The following DPF3 variants were observed in gnomAD, a reference collection of about 807,000 sequenced individuals.
DPF3 encodes the protein zinc finger protein DPF3.
Under a neutral mutation model 56.8 loss-of-function variants are expected in DPF3, and 18 were observed. The ratio of observed to expected loss-of-function variants is 0.32; its 90% CI spans 0.22 to 0.47. DPF3 has a LOEUF of 0.47. Ranked by LOEUF, DPF3 falls within the 20% of genes least tolerant of loss-of-function variation. DPF3 has a pLI of 1.00. For missense variants in DPF3, 403 were observed against 488.8 expected, an observed-to-expected ratio of 0.82 and a Z score of 1.65; for synonymous variants, 188 against 180.2, an observed-to-expected ratio of 1.04 and a Z score of -0.35.
chr14:72,840,235 C>T (rs1213136542), intron 1 of DPF3, among the ~76,000 whole-genome samples: 1 of 152,178 alleles, frequency 6.6e-6, no homozygotes, highest in African/African-American at 2.4e-5. Flanking sequence ...TGGAACCAAG[C>T]TCTCGCCAAG....
At chr14:72,770,544 G>A (rs552621227) in intron 2 of DPF3, among the ~76,000 whole-genome samples, 13 of 152,294 alleles carry the variant, frequency 8.5e-5, no homozygotes, top group African/African-American at 3.1e-4. Context: ...ACCATTTAGA[G>A]ATACATAACA....
intron 5 of DPF3, among the ~76,000 whole-genome samples, chr14:72,720,876 ACATT>A (rs1483891620): frequency 1.3e-5 from 2 of 152,224 alleles, no homozygotes; most frequent in African/African-American, 4.8e-5. Flanking sequence ...TTCCAGCAGC[ACATT>A]TTTTTTAAAA....
Position 72,610,189 on chromosome 14 carries a change from C to T in DPF3, c.*9108G>A, listed in dbSNP as rs1333767269. ...CCAGGTTTGCTTCGTATCTGCAGGT[C>T]TAGAGACATCAATGGAGGCAGCAAT... On this transcript the variant is annotated 3_prime_UTR_variant, in exon 11 of 11. Transcript: ENST00000556509. Among the ~76,000 whole-genome samples, 1 of 152,236 alleles carries T rather than the reference C, an allele frequency of 6.6e-6. No individual in the cohort carries two copies. Among genetic ancestry groups the T allele is most frequent in the African/African-American group, 2.4e-5 (1 of 41,464 alleles).
At chr14:72,824,329 C>G (rs2140039575) in intron 1 of DPF3, among the ~76,000 whole-genome samples, 1 of 152,222 alleles carries the variant, frequency 6.6e-6, no homozygotes, top group Non-Finnish European at 1.5e-5. Flanking sequence ...GCTTCCAGGA[C>G]TGGTCTGGGG....
intron 1 of DPF3, among the ~76,000 whole-genome samples, chr14:72,889,525 G>A (rs1187764712): frequency 2.0e-5 from 3 of 152,140 alleles, no homozygotes; most frequent in Non-Finnish European, 2.9e-5. Context: ...TGTCTACTTA[G>A]TACCTACCCA....
At chr14:72,834,494 C>CAAAAAAAA (rs375709642) in intron 1 of DPF3, among the ~76,000 whole-genome samples, 1 of 91,432 alleles carries the variant, frequency 1.1e-5, no homozygotes, top group African/African-American at 4.6e-5. Flanking sequence ...GAGACTGTCT[C>CAAAAAAAA]AAAAAAAAAA....
At chr14:72,879,815 T>A (rs994026934) in intron 1 of DPF3, 1 of 1,535,512 alleles carries the variant, frequency 6.5e-7, no homozygotes, top group Admixed American at 2.0e-5. Context: ...CTAGAGCCCA[T>A]GGGCCTCCAG....
intron 1 of DPF3, among the ~76,000 whole-genome samples, chr14:72,797,579 T>C (rs1892694213): frequency 6.6e-6 from 1 of 152,230 alleles, no homozygotes. Context: ...ACTGAAATCA[T>C]GTAAGATCGC....
intron 3 of DPF3, among the ~76,000 whole-genome samples, chr14:72,740,102 G>A (rs543864247): frequency 3.3e-5 from 5 of 152,222 alleles, no homozygotes; most frequent in Non-Finnish European, 5.9e-5. Flanking sequence ...AGGCAAAGAC[G>A]TTCCAGGCAA....
At chr14:72,727,743 T>C (rs778666483) in intron 4 of DPF3, among the ~76,000 whole-genome samples, 11 of 152,192 alleles carry the variant, frequency 7.2e-5, no homozygotes, top group Non-Finnish European at 1.2e-4. Flanking sequence ...GATAGGTATC[T>C]CTTGGTCTCT....
At chr14:72,879,036 C>T (rs2140121508) in intron 1 of DPF3, among the ~76,000 whole-genome samples, 1 of 152,356 alleles carries the variant, frequency 6.6e-6, no homozygotes. Flanking sequence ...TTCGCTCACT[C>T]AACTATTCCC....
In DPF3 at chr14:72,756,928, A is replaced by AAGAAG. The variant is rs1555504030; in HGVS notation, c.194-3562_194-3558dup. 5.5e-4 allele frequency among the ~76,000 whole-genome samples: 76 copies of AAGAAG among 139,156 alleles called. 1 individual carries two copies. The highest frequency in any genetic ancestry group is 9.3e-4 in the African/African-American group (30 of 32,332). The allele number at this position is 139,156 out of a possible 152,430, so 91.3% of individuals were successfully genotyped here. On this transcript the variant is annotated intron_variant, in intron 2 of 10. Coordinates refer to ENST00000556509, the MANE Select transcript of DPF3 (RefSeq NM_001280542.3). ...AAAAAAAGAAAGAAAGAAAGAAAGA[A>AAGAAG]AGAAGAGAAGAGAAGAGAAAGGGAG...
At chr14:72,838,813 A>C (rs1884414668) in intron 1 of DPF3, among the ~76,000 whole-genome samples, 1 of 150,362 alleles carries the variant, frequency 6.7e-6, no homozygotes, top group Non-Finnish European at 1.5e-5. Context: ...TTCAGCCAAA[A>C]CTTAAGACAC....
chr14:72,702,793 T>C (rs1386297860), intron 6 of DPF3, among the ~76,000 whole-genome samples: 1 of 152,090 alleles, frequency 6.6e-6, no homozygotes, highest in Non-Finnish European at 1.5e-5. Flanking sequence ...GTACGCAGGG[T>C]ACAGTTGTTC....
At chr14:72,698,977 A>G (rs563298582) in intron 6 of DPF3, among the ~76,000 whole-genome samples, 2 of 152,308 alleles carry the variant, frequency 1.3e-5, no homozygotes, top group Admixed American at 6.5e-5. Flanking sequence ...GACGTGGGCA[A>G]CTGGGTAGAA....
At chr14:72,743,077 T>A (rs576963857) in intron 3 of DPF3, among the ~76,000 whole-genome samples, 28 of 152,262 alleles carry the variant, frequency 1.8e-4, no homozygotes, top group African/African-American at 6.7e-4. Flanking sequence ...GGGGCGATCA[T>A]CCTGGTCGTT....
chr14:72,671,367 A>T (rs372844867), intron 8 of DPF3: 14 of 1,612,360 alleles, frequency 8.7e-6, no homozygotes, highest in Admixed American at 1.7e-5. Context: ...ATATCAGCAC[A>T]TGGGTTAAGC....
At chr14:72,855,507 C>G (rs905664890) in intron 1 of DPF3, among the ~76,000 whole-genome samples, 6 of 152,134 alleles carry the variant, frequency 3.9e-5, no homozygotes, top group Non-Finnish European at 8.8e-5. Context: ...GAAATGTATT[C>G]CAGAGATATT....
chr14:72,627,305 T>C (rs2153566692), intron 9 of DPF3, among the ~76,000 whole-genome samples: 1 of 152,220 alleles, frequency 6.6e-6, no homozygotes, highest in South Asian at 2.1e-4. Flanking sequence ...AGATCCCCAA[T>C]GTATTTGGTG....
Sources: gnomAD v4.1 joint callset for allele counts (sites outside exome capture counted in the v4.1 genomes callset) on GRCh38, gnomAD v4.1.1 for gene constraint, MANE v1.5 for transcripts, NCBI Gene and HGNC (gene_info 2026-07-23, HGNC 2026-07-21) for gene names.